Variants in BBS4 observed in about 807,000 individuals in gnomAD.
BBS4 encodes the protein Bardet-Biedl syndrome 4, also known as BBSome complex member BBS4.
BBS4 carries 58 observed loss-of-function variants against 71.4 expected under a neutral mutation model. That is an observed-to-expected ratio of 0.81 (90% CI 0.66 to 1.01). The LOEUF (loss-of-function observed/expected upper bound fraction) is 1.01, where lower values mean the gene tolerates loss of function less well. Ranked by LOEUF, BBS4 falls within the 50% of genes least tolerant of loss-of-function variation. The pLI is 0.00. For missense variants in BBS4, 660 were observed against 607.9 expected, an observed-to-expected ratio of 1.09 and a Z score of -0.90; for synonymous variants, 228 against 216.8, an observed-to-expected ratio of 1.05 and a Z score of -0.46.
At chr15:72,691,163 G>A (rs183385909) in intron 1 of BBS4, among the ~76,000 whole-genome samples, 46 of 152,184 alleles carry the variant, frequency 3.0e-4, no homozygotes, top group African/African-American at 1.1e-3. Flanking sequence ...TGTATATTTT[G>A]TAGAGGCGGG....
intron 6 of BBS4, among the ~76,000 whole-genome samples, chr15:72,718,516 G>A (rs1201802473): frequency 6.6e-6 from 1 of 152,126 alleles, no homozygotes; most frequent in African/African-American, 2.4e-5. Context: ...CAGTTCTTAC[G>A]GGGCACTATT....
rs1045512913 is a variant in BBS4, at chr15:72,696,737, C to T, written c.76+1509C>T. On this transcript the variant is annotated intron_variant, in intron 2 of 15. Transcript: ENST00000268057. ...AGTAGCTGGGTCTACAGGTGCATGC[C>T]GCCATGCCTGGCTAATTTTTATGTA... 5.3e-5 allele frequency among the ~76,000 whole-genome samples: 8 copies of T among 151,726 alleles called. No homozygotes were observed. The East Asian group carries it at 5.8e-4, about 11-fold the overall frequency.
intron 1 of BBS4, among the ~76,000 whole-genome samples, chr15:72,687,124 C>CTTTTTTTTCTTTTTTTTTTTTTT (rs2064865928): frequency 1.3e-5 from 1 of 76,210 alleles, no homozygotes; most frequent in Non-Finnish European, 2.3e-5. Flanking sequence ...AAGACAGAAA[C>CTTTTTTTTCTTTTTTTTTTTTTT]TTTTTTTTTT....
intron 8 of BBS4, among the ~76,000 whole-genome samples, chr15:72,726,378 C>T (rs2065702460): frequency 6.6e-6 from 1 of 152,004 alleles, no homozygotes; most frequent in African/African-American, 2.4e-5. Context: ...TCCCATAGTG[C>T]TGGGATTGCA....
At chr15:72,693,891 C>CT (rs971205177) in intron 1 of BBS4, among the ~76,000 whole-genome samples, 10 of 148,142 alleles carry the variant, frequency 6.8e-5, no homozygotes, top group South Asian at 4.3e-4. Flanking sequence ...TTTTCTTCTT[C>CT]TTTTTTTTTT....
intron 2 of BBS4, among the ~76,000 whole-genome samples, chr15:72,709,419 G>A (rs1423795188): frequency 2.0e-5 from 3 of 152,124 alleles, no homozygotes; most frequent in Non-Finnish European, 4.4e-5. Context: ...AGAGACGAAG[G>A]ATGATTTTAT....
chr15:72,700,721 G>A (rs907038148), intron 2 of BBS4, among the ~76,000 whole-genome samples: 4 of 151,964 alleles, frequency 2.6e-5, no homozygotes, highest in African/African-American at 9.7e-5. Context: ...CCCAGCCTGT[G>A]TTTTACTACT....
chr15:72,736,569 C>G (rs140875443), intron 14 of BBS4, among the ~76,000 whole-genome samples, 193 bp from the exon 15 acceptor site: 16 of 152,172 alleles, frequency 1.1e-4, no homozygotes, highest in African/African-American at 3.9e-4. Context: ...GTTTTGAGAT[C>G]CTATGTGAAC....
At position 72,735,093 on chromosome 15, in the gene BBS4, C is replaced by T; in HGVS notation, c.1037-20C>T. 6.3e-7 allele frequency: 1 copy of T among 1,595,398 alleles called. No individual in the cohort carries two copies. On this transcript the variant is annotated intron_variant, in intron 12 of 15. Coordinates refer to ENST00000268057, the MANE Select transcript of BBS4 (RefSeq NM_033028.5). ...TCTTCTAAGCTGAGCTCTCCAGCTG[C>T]AGTGCTTTCTTTGTTGCAGTGGCTC...
At position 72,724,570 on chromosome 15, in the gene BBS4, G is replaced by T. The variant is rs769766779; in HGVS notation, c.502G>T (p.Asp168Tyr). The T allele has an allele frequency of 1.1e-5, 18 of 1,613,942 alleles. No individual in the cohort carries two copies. The highest frequency in any genetic ancestry group is 1.7e-5 in the Admixed American group (1 of 60,006). Residue 168 changes from aspartate to tyrosine, a missense_variant, in exon 8 of 16, where the codon GAT (aspartate) becomes TAT (tyrosine). Transcript: ENST00000268057. The part of the protein sequence containing the change: ...LHNALNLNRH[D>Y]LTYIMLGKIH... ...CAATGCCCTGAATCTTAATAGGCAC[G>T]ATCTGACTTATATAATGCTGGGGAA... is the stretch of plus-strand genomic sequence containing the variant.
intron 2 of BBS4, among the ~76,000 whole-genome samples, chr15:72,696,940 G>T (rs3850990): frequency 0.95 from 144,179 of 151,950 alleles, 68,888 homozygotes; most frequent in East Asian, 1. Flanking sequence ...TTTGTTTGTT[G>T]GTTTGTTTTT....
intron 1 of BBS4, among the ~76,000 whole-genome samples, chr15:72,691,958 C>CAA (rs33994964): frequency 1.5e-4 from 15 of 102,386 alleles, no homozygotes; most frequent in African/African-American, 4.8e-4. Flanking sequence ...GACTTCGTCT[C>CAA]AAAAAAAAAA....
In BBS4 at chr15:72,689,896, C is replaced by T. The variant is rs112018528; in HGVS notation, c.24+3645C>T. ...CGCGATCTCGGCTCACTGCAACCTC[C>T]GCCTCCCGGGTTCACGCCATTCTCC... On this transcript the variant is annotated intron_variant, in intron 1 of 15. Coordinates refer to ENST00000268057, the MANE Select transcript of BBS4 (RefSeq NM_033028.5). Among the ~76,000 whole-genome samples the T allele has an allele frequency of 4.7e-4, 72 of 152,106 alleles. 1 individual carries two copies. The highest frequency in any genetic ancestry group is 1.5e-3 in the African/African-American group (63 of 41,502).
rs558382374 is a variant in BBS4, at chr15:72,727,971, A to C, written c.619A>C (p.Thr207Pro). 1 of 1,612,562 alleles carries C rather than the reference A, an allele frequency of 6.2e-7. No individual in the cohort carries two copies. Among genetic ancestry groups the C allele is most frequent in the African/African-American group, 1.3e-5 (1 of 74,944 alleles). The change falls in exon 9 of 16, where the codon ACT (threonine) becomes CCT (proline). Residue 207 changes from threonine to proline, a missense_variant. By Grantham distance (38) the Thr-to-Pro change is conservative. Coordinates refer to ENST00000268057, the MANE Select transcript of BBS4 (RefSeq NM_033028.5). The part of the protein sequence containing the change: ...FSPENTELLT[T>P]LGLLYLQLGI... Reference sequence around the variant, plus strand: ...ACCAGAAAATACAGAGCTTCTTACAACTTTAGGATTACTCTACTTACAGGT... The same window carrying C: ...ACCAGAAAATACAGAGCTTCTTACACCTTTAGGATTACTCTACTTACAGGT...
At chr15:72,701,001 A>G (rs1157093714) in intron 2 of BBS4, among the ~76,000 whole-genome samples, 1 of 152,174 alleles carries the variant, frequency 6.6e-6, no homozygotes, top group Non-Finnish European at 1.5e-5. Flanking sequence ...TACATACATA[A>G]ATCATAATTG....
chr15:72,735,340 G>C (rs2065901481), intron 13 of BBS4, 158 bp downstream of exon 13: 2 of 678,072 alleles, frequency 2.9e-6, no homozygotes, highest in African/African-American at 3.6e-5. Context: ...TGTCTCCTAA[G>C]TATGTGGTGG....
intron 14 of BBS4, among the ~76,000 whole-genome samples, chr15:72,736,394 ACC>A (rs1273259469): frequency 6.6e-6 from 1 of 152,036 alleles, no homozygotes; most frequent in African/African-American, 2.4e-5. Flanking sequence ...GGCGCGTGCC[ACC>A]ACGCCCAGCT....
chr15:72,712,058 G>A (rs959529332), intron 3 of BBS4, among the ~76,000 whole-genome samples, 186 bp from the exon 4 acceptor site: 1 of 151,950 alleles, frequency 6.6e-6, no homozygotes, highest in Non-Finnish European at 1.5e-5. Flanking sequence ...TAGTAGAGAT[G>A]GGGTTTCACC....
At chr15:72,700,708 C>T (rs4777528) in intron 2 of BBS4, among the ~76,000 whole-genome samples, 16,767 of 151,788 alleles carry the variant, frequency 0.11, 1,571 homozygotes, top group East Asian at 0.46. Context: ...GTAAGTATTT[C>T]CCCCCAGCCT....
Sources: allele counts gnomAD v4.1 joint callset (sites outside exome capture counted in the v4.1 genomes callset), GRCh38; gene constraint gnomAD v4.1.1; transcripts MANE v1.5; gene names NCBI Gene and HGNC (gene_info 2026-07-23, HGNC 2026-07-21).